Variants in CTNNA2 observed in about 807,000 individuals in gnomAD.
CTNNA2 encodes catenin alpha-2.
Under a neutral mutation model 101.0 loss-of-function variants are expected in CTNNA2, and 42 were observed. The observed-to-expected ratio is 0.42, with a 90% CI of 0.32 to 0.54. CTNNA2 has a LOEUF of 0.54. Ranked by LOEUF, CTNNA2 falls within the 20% of genes least tolerant of loss-of-function variation. The pLI is 0.14. For missense variants in CTNNA2, 871 were observed against 1,223.1 expected, an observed-to-expected ratio of 0.71 and a Z score of 4.29; for synonymous variants, 450 against 456.4, an observed-to-expected ratio of 0.99 and a Z score of 0.18.
chr2:80,442,053 G>A (rs1682638933), intron 9 of CTNNA2, among the ~76,000 whole-genome samples: 1 of 152,196 alleles, frequency 6.6e-6, no homozygotes. Context: ...TGCAAAATAA[G>A]TTTGTATATT....
chr2:80,256,779 A>G (rs539594161), intron 7 of CTNNA2, among the ~76,000 whole-genome samples: 29 of 152,322 alleles, frequency 1.9e-4, no homozygotes, highest in Non-Finnish European at 3.2e-4. Context: ...AGCCAGACGT[A>G]GGACAGATTC....
intron 7 of CTNNA2, among the ~76,000 whole-genome samples, chr2:80,368,826 T>C (rs536492130): frequency 2.1e-5 from 3 of 146,194 alleles, no homozygotes; most frequent in East Asian, 4.0e-4. Flanking sequence ...TATGTGTATA[T>C]ATATATGTGT....
chr2:80,474,145 T>C (rs966944892), intron 9 of CTNNA2, among the ~76,000 whole-genome samples: 2 of 152,192 alleles, frequency 1.3e-5, no homozygotes, highest in African/African-American at 2.4e-5. Flanking sequence ...TTTTTAAAAA[T>C]CTATGTTTTA....
chr2:80,170,197 C>A (rs1704956821), intron 7 of CTNNA2, among the ~76,000 whole-genome samples: 1 of 150,626 alleles, frequency 6.6e-6, no homozygotes, highest in South Asian at 2.1e-4. Flanking sequence ...TTGTCTCTCT[C>A]TCTCTCTCTC....
At chr2:79,479,627 A>G (rs950249523) in intron 4 of CTNNA2, among the ~76,000 whole-genome samples, 2 of 152,090 alleles carry the variant, frequency 1.3e-5, no homozygotes, top group African/African-American at 4.8e-5. Context: ...TTGTGTTGCT[A>G]TAGAGGAATA....
intron 7 of CTNNA2, among the ~76,000 whole-genome samples, chr2:80,014,026 G>A (rs1047565114): frequency 1.3e-5 from 2 of 152,150 alleles, no homozygotes; most frequent in Non-Finnish European, 2.9e-5. Context: ...GATTTACAAT[G>A]TAGGACTAGG....
At chr2:79,378,701 T>C (rs1678006038) in intron 4 of CTNNA2, among the ~76,000 whole-genome samples, 1 of 152,148 alleles carries the variant, frequency 6.6e-6, no homozygotes, top group South Asian at 2.1e-4. Flanking sequence ...TTCTCAGAAA[T>C]ACATTTACAT....
intron 7 of CTNNA2, among the ~76,000 whole-genome samples, chr2:80,185,455 A>G (rs1706059036): frequency 6.6e-6 from 1 of 152,200 alleles, no homozygotes; most frequent in African/African-American, 2.4e-5. Flanking sequence ...AGGAATTGCA[A>G]AAAAGCATGA....
intron 7 of CTNNA2, among the ~76,000 whole-genome samples, chr2:80,050,781 G>A (rs116806346): frequency 0.017 from 2,524 of 152,274 alleles, 66 homozygotes; most frequent in African/African-American, 0.058. Flanking sequence ...GCTCACTGCA[G>A]CGTCAACTTC....
chr2:80,389,674 T>C lies in CTNNA2; in HGVS notation c.1057-3537T>C, dbSNP rs1242332680. On this transcript the variant is annotated intron_variant, in intron 7 of 18. Coordinates refer to ENST00000402739, the MANE Select transcript of CTNNA2 (RefSeq NM_001282597.3). Reference sequence around the variant, plus strand: ...AAAGCTGAGCGTTGACAAGCTACTATTGTTATTCCTGCACAAATACCTTAT... The same window carrying C: ...AAAGCTGAGCGTTGACAAGCTACTACTGTTATTCCTGCACAAATACCTTAT... Among the ~76,000 whole-genome samples the C allele has an allele frequency of 3.3e-5, 5 of 152,204 alleles. No homozygotes were observed. The East Asian group carries it at 9.6e-4, about 29-fold the overall frequency.
intron 3 of CTNNA2, among the ~76,000 whole-genome samples, chr2:79,361,436 G>A (rs987913717): frequency 2.6e-5 from 4 of 152,140 alleles, no homozygotes; most frequent in Admixed American, 2.6e-4. Flanking sequence ...ACCGATTAGG[G>A]TTCTTTGATC....
At chr2:79,681,818 G>A (rs1035250216) in intron 2 of CTNNA2, among the ~76,000 whole-genome samples, 2 of 152,168 alleles carry the variant, frequency 1.3e-5, no homozygotes, top group African/African-American at 4.8e-5. Context: ...CGCTTCAGAG[G>A]GGAAAAGGCA....
intron 3 of CTNNA2, among the ~76,000 whole-genome samples, chr2:79,768,395 A>G (rs1673316784): frequency 6.6e-6 from 1 of 151,152 alleles, no homozygotes; most frequent in Non-Finnish European, 1.5e-5. Flanking sequence ...AAAACCAGGT[A>G]CTATGAGGTG....
chr2:79,974,463 T>G (rs1056354183), intron 7 of CTNNA2, among the ~76,000 whole-genome samples: 13 of 152,190 alleles, frequency 8.5e-5, no homozygotes, highest in African/African-American at 2.9e-4. Flanking sequence ...TACTTACTTC[T>G]GCTACCAAAA....
In CTNNA2 at chr2:80,130,351, A is replaced by G. The variant is rs190511066; in HGVS notation, c.1056+220554A>G. Reference sequence around the variant, plus strand: ...TGTTTCTCTAAATTGGAGCACATTCAAGGTAATTCCCATTATAGAGCAGTC... The same window carrying G: ...TGTTTCTCTAAATTGGAGCACATTCGAGGTAATTCCCATTATAGAGCAGTC... On this transcript the variant is annotated intron_variant, in intron 7 of 18. Coordinates refer to ENST00000402739, the MANE Select transcript of CTNNA2 (RefSeq NM_001282597.3). Among the ~76,000 whole-genome samples, 708 of 152,326 alleles carry G rather than the reference A, an allele frequency of 4.6e-3. 5 individuals carry two copies. Among genetic ancestry groups the G allele is most frequent in the Non-Finnish European group, 7.1e-3 (486 of 68,022 alleles).
chr2:79,494,764 A>T (rs147981807), intron 4 of CTNNA2, among the ~76,000 whole-genome samples: 1 of 152,288 alleles, frequency 6.6e-6, no homozygotes, highest in East Asian at 1.9e-4. Flanking sequence ...CTTAGAGACA[A>T]CATTAAAAGC....
chr2:79,486,666 A>G (rs970595157), intron 4 of CTNNA2, among the ~76,000 whole-genome samples: 4 of 152,146 alleles, frequency 2.6e-5, no homozygotes, highest in African/African-American at 7.2e-5. Context: ...TTCCACAATG[A>G]TTGAACTAGT....
intron 1 of CTNNA2, among the ~76,000 whole-genome samples, chr2:79,189,810 G>A (rs1014639369): frequency 2.0e-5 from 3 of 152,154 alleles, no homozygotes; most frequent in African/African-American, 7.2e-5. Flanking sequence ...TTGAGGAAGG[G>A]TCCTGGGCTG....
intron 2 of CTNNA2, among the ~76,000 whole-genome samples, chr2:79,276,261 T>C (rs530620450): frequency 6.6e-6 from 1 of 152,158 alleles, no homozygotes; most frequent in Non-Finnish European, 1.5e-5. Flanking sequence ...TTCTTGCTTA[T>C]GTATTTGTTT....
Sources: allele counts gnomAD v4.1 joint callset (sites outside exome capture counted in the v4.1 genomes callset), GRCh38; gene constraint gnomAD v4.1.1; transcripts MANE v1.5; gene names NCBI Gene and HGNC (gene_info 2026-07-23, HGNC 2026-07-21).